SNX29: variants seen among roughly 807,000 people sequenced by gnomAD.
SNX29 encodes sorting nexin-29.
A neutral mutation model predicts 102.1 loss-of-function variants in SNX29; 78 were observed. That is an observed-to-expected ratio of 0.76 (90% CI 0.64 to 0.92). SNX29 has a LOEUF of 0.92. Ranked by LOEUF, SNX29 falls within the 40% of genes least tolerant of loss-of-function variation. SNX29 has a pLI of 0.00. For synonymous variants in SNX29, 580 were observed against 414.5 expected (o/e 1.40, Z -4.85); for missense variants, 1,280 against 1,061.7 (o/e 1.21, Z -2.86).
intron 16 of SNX29, among the ~76,000 whole-genome samples, chr16:12,390,464 C>G (rs1000282250): frequency 5.3e-5 from 8 of 152,160 alleles, no homozygotes; most frequent in Admixed American, 1.3e-4. Flanking sequence ...ACTGTCTCTC[C>G]TGGTGGATTG....
intron 14 of SNX29, among the ~76,000 whole-genome samples, chr16:12,256,021 A>G (rs1370645923): frequency 1.3e-5 from 2 of 152,150 alleles, no homozygotes; most frequent in Non-Finnish European, 2.9e-5. Context: ...CCCTTTTCCC[A>G]GTCCTCACCA....
At chr16:12,008,260 T>A (rs949480599) in intron 3 of SNX29, among the ~76,000 whole-genome samples, 1 of 151,332 alleles carries the variant, frequency 6.6e-6, no homozygotes, top group Non-Finnish European at 1.5e-5. Context: ...TCGCTACTTT[T>A]TCAAGGAAAT....
intron 15 of SNX29, among the ~76,000 whole-genome samples, chr16:12,279,938 G>A (rs1596738896): frequency 2.0e-5 from 3 of 152,256 alleles, no homozygotes; most frequent in East Asian, 3.9e-4. Context: ...GCTCAGTGAG[G>A]GTGCCTACTT....
At chr16:12,408,165 CAA>C (rs2084248362) in intron 18 of SNX29, among the ~76,000 whole-genome samples, 1 of 71,070 alleles carries the variant, frequency 1.4e-5, no homozygotes, top group Non-Finnish European at 4.3e-5. Context: ...CTCAAAAAAA[CAA>C]ACAAACAAAC....
Position 12,356,172 on chromosome 16 carries a change from A to T in SNX29, c.1792A>T (p.Met598Leu), listed in dbSNP as rs775035601. Reference sequence around the variant, plus strand: ...CGTGCTTGTGTTCCAGGTGGCAGAGATGCATGGCGAGCTGATTGAGTTCAA... The same window carrying T: ...CGTGCTTGTGTTCCAGGTGGCAGAGTTGCATGGCGAGCTGATTGAGTTCAA... ...YERKLIEVAE[M>L]HGELIEFNER... Residue 598 changes from methionine (M) to leucine (L), a missense_variant, in exon 16 of 21, where the codon ATG (methionine) becomes TTG (leucine). Met to Leu is a conservative substitution (Grantham distance 15). Coordinates refer to ENST00000566228, the MANE Select transcript of SNX29 (RefSeq NM_032167.5). 1 of 1,612,610 alleles carries T rather than the reference A, an allele frequency of 6.2e-7. No homozygotes were observed. Among genetic ancestry groups the T allele is most frequent in the Non-Finnish European group, 8.5e-7 (1 of 1,179,516 alleles).
chr16:12,553,062 C>T (rs1259913744), intron 20 of SNX29, among the ~76,000 whole-genome samples: 2 of 152,204 alleles, frequency 1.3e-5, no homozygotes, highest in Non-Finnish European at 2.9e-5. Context: ...ATGGTAACTG[C>T]AAAGCAACAC....
At position 12,398,438 on chromosome 16, in the gene SNX29, G is replaced by C. The variant is rs374758738; in HGVS notation, c.1900-8G>C. The C allele has an allele frequency of 2.5e-6, 4 of 1,613,992 alleles. No homozygotes were observed. In the South Asian group the frequency reaches 4.4e-5, roughly 18 times the overall value. On this transcript the variant is annotated splice_region_variant and splice_polypyrimidine_tract_variant and intron_variant, in intron 16 of 20. Coordinates refer to ENST00000566228, the MANE Select transcript of SNX29 (RefSeq NM_032167.5). ...TTTTCTCCCCTCTCCCCCTTCTCCT[G>C]ATGGTAGGTGCCTGGAGATTTGAGT...
intron 13 of SNX29, among the ~76,000 whole-genome samples, chr16:12,144,853 C>A (rs1389349104): frequency 6.6e-6 from 1 of 152,220 alleles, no homozygotes; most frequent in Non-Finnish European, 1.5e-5. Context: ...TCCCCAGTAG[C>A]TGGGACTACA....
chr16:12,556,490 C>G (rs1022643860), intron 20 of SNX29: 2 of 152,314 alleles, frequency 1.3e-5, no homozygotes, highest in African/African-American at 4.8e-5. Flanking sequence ...GGAGTTAGGG[C>G]ATGGCAGGCA....
intron 4 of SNX29, 71 bp downstream of exon 4, chr16:12,027,515 T>A: frequency 6.3e-7 from 1 of 1,580,156 alleles, no homozygotes; most frequent in South Asian, 1.1e-5. Flanking sequence ...TATTTATTTT[T>A]TAATAGTGGG....
At chr16:12,131,486 A>G (rs1274628350) in intron 13 of SNX29, among the ~76,000 whole-genome samples, 2 of 151,986 alleles carry the variant, frequency 1.3e-5, no homozygotes, top group Non-Finnish European at 1.5e-5. Context: ...TATTGTTTCC[A>G]TATAGGCCTC....
chr16:12,074,115 C>G (rs942299246), intron 10 of SNX29, among the ~76,000 whole-genome samples: 13 of 151,144 alleles, frequency 8.6e-5, no homozygotes, highest in African/African-American at 1.9e-4. Context: ...GGTCTTGACT[C>G]TTTATCCAAT....
chr16:12,263,622 A>G (rs1315886768), intron 14 of SNX29, among the ~76,000 whole-genome samples: 1 of 152,238 alleles, frequency 6.6e-6, no homozygotes, highest in African/African-American at 2.4e-5. Context: ...TGCAGTGAAC[A>G]TATGTTACTT....
Position 12,018,995 on chromosome 16 carries a change from TA to T in SNX29, c.123-8319del, listed in dbSNP as rs564647550. On this transcript the variant is annotated intron_variant, in intron 3 of 20. Transcript: ENST00000566228. ...TATTTAATATTACAATCTAACCTTT[TA>T]AAAAATGCTATATCCAAGTTTTCTA... Among the ~76,000 whole-genome samples the T allele has an allele frequency of 2.8e-4, 43 of 152,288 alleles. No individual in the cohort carries two copies. The East Asian group carries it at 4.0e-3, about 14-fold the overall frequency.
intron 11 of SNX29, among the ~76,000 whole-genome samples, chr16:12,113,761 G>A (rs1179912747): frequency 6.6e-6 from 1 of 152,238 alleles, no homozygotes. Context: ...ACGGGTCGGG[G>A]TCATATCTCT....
chr16:12,398,536 T>C (rs1009406128), intron 17 of SNX29, 35 bp downstream of exon 17: 4 of 1,612,366 alleles, frequency 2.5e-6, no homozygotes, highest in Non-Finnish European at 3.4e-6. Flanking sequence ...AGGGGTCCTT[T>C]AGAAACTGGA....
intron 16 of SNX29, among the ~76,000 whole-genome samples, chr16:12,380,664 A>C (rs1320930212): frequency 4.2e-5 from 2 of 47,148 alleles, no homozygotes; most frequent in Admixed American, 4.6e-4. Context: ...CCATCCACCC[A>C]CCCACCATCC....
At chr16:12,567,445 C>T (rs192215762) in intron 20 of SNX29, among the ~76,000 whole-genome samples, 2 of 152,342 alleles carry the variant, frequency 1.3e-5, no homozygotes, top group African/African-American at 4.8e-5. Flanking sequence ...TTCCTAGCCC[C>T]AGAATTTATG....
At chr16:12,328,408 T>C (rs1213913294) in intron 15 of SNX29, among the ~76,000 whole-genome samples, 1 of 152,220 alleles carries the variant, frequency 6.6e-6, no homozygotes, top group Non-Finnish European at 1.5e-5. Flanking sequence ...CAGAAAGCCC[T>C]TGGCTGCCTC....
Sources: gnomAD v4.1 joint callset for allele counts (sites outside exome capture counted in the v4.1 genomes callset) on GRCh38, gnomAD v4.1.1 for gene constraint, MANE v1.5 for transcripts, NCBI Gene and HGNC (gene_info 2026-07-23, HGNC 2026-07-21) for gene names.